The following CADPS variants were observed in gnomAD, a reference collection of about 807,000 sequenced individuals.
CADPS encodes the protein calcium-dependent secretion activator 1.
In CADPS, 57 loss-of-function variants were observed where a neutral mutation model predicts 167.3. That is an observed-to-expected ratio of 0.34 (90% confidence interval 0.28 to 0.42). The LOEUF (loss-of-function observed/expected upper bound fraction) is 0.42, where lower values mean the gene tolerates loss of function less well. Among genes scored for constraint, CADPS ranks in the 20% least tolerant of loss-of-function variants. CADPS has a pLI of 1.00. For missense variants in CADPS, 1,414 were observed against 1,738.1 expected, an observed-to-expected ratio of 0.81 and a Z score of 3.32; for synonymous variants, 676 against 635.3, an observed-to-expected ratio of 1.06 and a Z score of -0.96.
At chr3:62,720,180 CCA>C (rs1463771257) in intron 3 of CADPS, among the ~76,000 whole-genome samples, 1 of 150,404 alleles carries the variant, frequency 6.6e-6, no homozygotes, top group Non-Finnish European at 1.5e-5. Flanking sequence ...CAAAAAGTAA[CCA>C]TAGATAGCAA....
At position 62,449,957 on chromosome 3, in the gene CADPS, C is replaced by G. The variant is rs559815731; in HGVS notation, c.3637-4160G>C. 4.6e-5 allele frequency among the ~76,000 whole-genome samples: 7 copies of G among 152,236 alleles called. No homozygotes were observed. The South Asian group carries it at 1.2e-3, about 27-fold the overall frequency. On this transcript the variant is annotated intron_variant, in intron 26 of 29. Transcript: ENST00000383710. ...CCATTACTTAACTTCTCTGAGCTTCCTTTGTAAATGGGACAGTAATAACGC... is the reference window on the plus strand; with the variant it reads ...CCATTACTTAACTTCTCTGAGCTTCGTTTGTAAATGGGACAGTAATAACGC...
At chr3:62,590,070 T>C (rs971172461) in intron 7 of CADPS, among the ~76,000 whole-genome samples, 3 of 151,836 alleles carry the variant, frequency 2.0e-5, no homozygotes, top group African/African-American at 7.3e-5. Context: ...GCACCTGTAA[T>C]ACCAGCTACT....
chr3:62,480,311 G>C (rs2061835495), intron 22 of CADPS, among the ~76,000 whole-genome samples: 1 of 152,136 alleles, frequency 6.6e-6, no homozygotes, highest in South Asian at 2.1e-4. Flanking sequence ...AGGAAGATAA[G>C]AGAAGCTTTC....
intron 17 of CADPS, among the ~76,000 whole-genome samples, chr3:62,504,258 G>A (rs951244257): frequency 6.6e-6 from 1 of 152,264 alleles, no homozygotes; most frequent in East Asian, 1.9e-4. Flanking sequence ...CCATTTAAAA[G>A]GAGGCAACTA....
chr3:62,719,060 G>A (rs1192525301), intron 3 of CADPS, among the ~76,000 whole-genome samples: 2 of 152,206 alleles, frequency 1.3e-5, no homozygotes, highest in African/African-American at 2.4e-5. Flanking sequence ...TGGTGATGCC[G>A]TCTGGGTTTA....
intron 3 of CADPS, among the ~76,000 whole-genome samples, chr3:62,676,481 C>T (rs948185709): frequency 2.0e-5 from 3 of 152,096 alleles, no homozygotes; most frequent in Non-Finnish European, 4.4e-5. Context: ...TTAAGGATGA[C>T]AGGATCAGCT....
At chr3:62,527,094 T>G (rs1430934343) in intron 13 of CADPS, among the ~76,000 whole-genome samples, 2 of 152,204 alleles carry the variant, frequency 1.3e-5, no homozygotes, top group Non-Finnish European at 2.9e-5. Context: ...CTGCATTTTA[T>G]AAAATCCCCA....
intron 3 of CADPS, among the ~76,000 whole-genome samples, chr3:62,719,814 G>T (rs753859159): frequency 3.3e-5 from 5 of 152,176 alleles, no homozygotes; most frequent in Non-Finnish European, 7.3e-5. Context: ...CTGGGAGCAC[G>T]GTAGGATTTG....
In CADPS at chr3:62,753,847, C is replaced by G. The variant is rs2083259499; in HGVS notation, c.556-74G>C. 2.9e-6 allele frequency: 4 copies of G among 1,396,430 alleles called. No homozygotes were observed. Among genetic ancestry groups the G allele is most frequent in the Non-Finnish European group, 3.9e-6 (4 of 1,024,842 alleles). 86.5% of individuals were successfully genotyped at this position (1,396,430 alleles called of 1,614,324 possible). ...GGTACCAGTTCCCTGGGGCTGGACA[C>G]TGGGCCAGTCCACCTCACGTGCATC... On this transcript the variant is annotated intron_variant, in intron 2 of 29. Transcript: ENST00000383710. This position sits in a 1 kb window ranked among gnomAD's most constrained non-coding sequence, Gnocchi z 4.6.
intron 6 of CADPS, among the ~76,000 whole-genome samples, chr3:62,637,878 C>T (rs2066611904): frequency 6.6e-6 from 1 of 151,944 alleles, no homozygotes; most frequent in African/African-American, 2.4e-5. Context: ...TATGGTAGGG[C>T]ATTAAATAAA....
chr3:62,665,349 A>T (rs1012227021), intron 3 of CADPS, among the ~76,000 whole-genome samples: 1 of 152,204 alleles, frequency 6.6e-6, no homozygotes, highest in African/African-American at 2.4e-5. Flanking sequence ...AAAATTCCAC[A>T]TGTGAAACAA....
chr3:62,829,448 G>A (rs1298755320), intron 1 of CADPS, among the ~76,000 whole-genome samples: 1 of 151,996 alleles, frequency 6.6e-6, no homozygotes, highest in Non-Finnish European at 1.5e-5. Flanking sequence ...GGAGGGTCCT[G>A]GAAGCTATAT....
At chr3:62,408,890 C>T (rs1403350212) in intron 28 of CADPS, among the ~76,000 whole-genome samples, 1 of 152,220 alleles carries the variant, frequency 6.6e-6, no homozygotes, top group African/African-American at 2.4e-5. Context: ...TCAGACCAGA[C>T]AACTCCGTAG....
chr3:62,610,877 T>C (rs1285111210), intron 6 of CADPS, among the ~76,000 whole-genome samples: 1 of 132,598 alleles, frequency 7.5e-6, no homozygotes, highest in South Asian at 2.6e-4. Context: ...GGTTCTTAAT[T>C]GGGAGGGGGG....
intron 28 of CADPS, among the ~76,000 whole-genome samples, chr3:62,423,344 A>C (rs2051886920): frequency 6.6e-6 from 1 of 152,226 alleles, no homozygotes; most frequent in South Asian, 2.1e-4. Flanking sequence ...GTTAGTGGAC[A>C]AGCTGTGACT....
At chr3:62,582,957 T>C (rs2083733965) in intron 8 of CADPS, among the ~76,000 whole-genome samples, 2 of 152,174 alleles carry the variant, frequency 1.3e-5, no homozygotes, top group Non-Finnish European at 2.9e-5. Flanking sequence ...GGGAAAATAA[T>C]ACCTGTGTCA....
intron 1 of CADPS, among the ~76,000 whole-genome samples, chr3:62,866,486 G>A (rs1408581365): frequency 5.9e-5 from 9 of 151,882 alleles, no homozygotes; most frequent in Admixed American, 5.9e-4. Flanking sequence ...TGTAAAAAGG[G>A]TAATTTAAAT....
intron 13 of CADPS, among the ~76,000 whole-genome samples, chr3:62,523,149 A>G (rs925420151): frequency 6.6e-6 from 1 of 152,012 alleles, no homozygotes; most frequent in Non-Finnish European, 1.5e-5. Context: ...TCCCATCTTG[A>G]GCCATGTCAC....
chr3:62,513,958 A>G (rs558728459), intron 16 of CADPS, among the ~76,000 whole-genome samples: 1 of 152,192 alleles, frequency 6.6e-6, no homozygotes, highest in Non-Finnish European at 1.5e-5. Flanking sequence ...TTGCAAGAAT[A>G]CAATGACCAA....
Sources: gnomAD v4.1 joint callset for allele counts (sites outside exome capture counted in the v4.1 genomes callset) on GRCh38, gnomAD v4.1.1 for gene constraint, Gnocchi (gnomAD v3.1) non-coding constraint, MANE v1.5 for transcripts, NCBI Gene and HGNC (gene_info 2026-07-23, HGNC 2026-07-21) for gene names.